The following CHERP variants were observed in gnomAD, a reference collection of about 807,000 sequenced individuals.
CHERP encodes calcium homeostasis endoplasmic reticulum protein.
CHERP carries 8 observed loss-of-function variants against 113.8 expected under a neutral mutation model. That is an observed-to-expected ratio of 0.07 (90% CI 0.04 to 0.13). The LOEUF is 0.13. Among genes scored for constraint, CHERP ranks in the 10% least tolerant of loss-of-function variants. CHERP has a pLI of 1.00. For missense variants in CHERP, 884 were observed against 1,298.2 expected, an observed-to-expected ratio of 0.68 and a Z score of 4.90; for synonymous variants, 559 against 524.5, an observed-to-expected ratio of 1.07 and a Z score of -0.90.
At position 16,533,331 on chromosome 19, in the gene CHERP, G is replaced by A. The variant is rs535037338; in HGVS notation, c.385-183C>T. ...GGAGATTCTGTCTCTCATGCCTGCC[G>A]TGAATCTGTGACAGTCCCTCCTGGA... is the stretch of plus-strand genomic sequence containing the variant. On this transcript the variant is annotated intron_variant, in intron 3 of 16. Transcript: ENST00000546361. Among the ~76,000 whole-genome samples, 3 of 152,282 alleles carry A rather than the reference G, an allele frequency of 2.0e-5. No homozygotes were observed. In the South Asian group the frequency reaches 6.2e-4, roughly 32 times the overall value.
Position 16,532,583 on chromosome 19 carries a change from G to A in CHERP, c.674+15C>T, listed in dbSNP as rs748123701. The A allele has an allele frequency of 6.3e-7, 1 of 1,585,510 alleles. No homozygotes were observed. Among genetic ancestry groups the A allele is most frequent in the South Asian group, 1.1e-5 (1 of 89,504 alleles). ...CGAGGAAGTGGCGCTCTGGGCACGG[G>A]GTGGCGGCGCTCACCAGTGGTGCAG... On this transcript the variant is annotated intron_variant, in intron 5 of 16. Coordinates refer to ENST00000546361, the MANE Select transcript of CHERP (RefSeq NM_006387.6). The surrounding 1 kb of genome is among the most constrained non-coding windows in gnomAD (Gnocchi z 4.4).
At chr19:16,527,237 C>T (rs3786591) in intron 9 of CHERP, among the ~76,000 whole-genome samples, 3 of 152,240 alleles carry the variant, frequency 2.0e-5, no homozygotes, top group Admixed American at 6.5e-5. Flanking sequence ...AACTGCCCCC[C>T]CCAGCAGAGG....
In CHERP at chr19:16,525,665, G is replaced by A; in HGVS notation, c.1318C>T (p.Pro440Ser). The A allele has an allele frequency of 1.3e-6, 2 of 1,515,778 alleles. No individual in the cohort carries two copies. The highest frequency in any genetic ancestry group is 1.8e-6 in the Non-Finnish European group (2 of 1,132,904). 93.9% of individuals were successfully genotyped at this position (1,515,778 alleles called of 1,614,324 possible). ...CCGCCCTGGTGGTGCGGGTAGGGTG[G>A]CTGCTCTGGCGGCTGCAAGGGAAGG... ...PWGQQQPPEQPPYPHHQGGPP... is the reference protein window; with the variant it reads ...PWGQQQPPEQSPYPHHQGGPP... The change falls in exon 10 of 17, where the codon CCA (proline) becomes TCA (serine). Residue 440 changes from proline to serine, a missense_variant. Transcript: ENST00000546361. The surrounding 1 kb of genome is among the most constrained non-coding windows in gnomAD (Gnocchi z 6.5).
At chr19:16,536,754 C>T (rs991227488) in intron 2 of CHERP, among the ~76,000 whole-genome samples, 1 of 152,256 alleles carries the variant, frequency 6.6e-6, no homozygotes, top group Non-Finnish European at 1.5e-5. Context: ...TGATGGCTCA[C>T]GCCTATAATC....
At chr19:16,538,131 C>T (rs956584153) in intron 2 of CHERP, among the ~76,000 whole-genome samples, 2 of 152,020 alleles carry the variant, frequency 1.3e-5, no homozygotes, top group African/African-American at 2.4e-5. Flanking sequence ...ATACACTCCT[C>T]ACTCCTCTCC....
At chr19:16,541,835 T>C in intron 2 of CHERP, 35 bp downstream of exon 2, 2 of 1,593,982 alleles carry the variant, frequency 1.3e-6, no homozygotes, top group Non-Finnish European at 1.7e-6. Flanking sequence ...AAGGAAGCGC[T>C]CGATGGGACG....
At chr19:16,529,016 G>C (rs1247929784) in intron 8 of CHERP, among the ~76,000 whole-genome samples, 5 of 152,162 alleles carry the variant, frequency 3.3e-5, no homozygotes, top group Non-Finnish European at 7.3e-5. Context: ...GTATTTCCGT[G>C]TCTTTTTCAG....
Position 16,532,882 on chromosome 19 carries a change from C to A in CHERP, c.522+129G>T. On this transcript the variant is annotated intron_variant, in intron 4 of 16. Transcript: ENST00000546361. The surrounding 1 kb of genome is among the most constrained non-coding windows in gnomAD (Gnocchi z 4.4). ...GCGTGGGGGGCACAGGGTCCCACAGCCTCAGGAGCTCCAGGCGGGAGGGAA... is the reference window on the plus strand; with the variant it reads ...GCGTGGGGGGCACAGGGTCCCACAGACTCAGGAGCTCCAGGCGGGAGGGAA... 1 of 1,520,510 alleles carries A rather than the reference C, an allele frequency of 6.6e-7. No homozygotes were observed. The highest frequency in any genetic ancestry group is 1.3e-5 in the South Asian group (1 of 78,946). 94.2% of individuals were successfully genotyped at this position (1,520,510 alleles called of 1,614,324 possible). A position where few individuals can be genotyped will look rare whatever the true frequency, so the allele number is the denominator to read the frequency against.
chr19:16,533,268 G>T, intron 3 of CHERP, 120 bp from the exon 4 acceptor site: 1 of 942,992 alleles, frequency 1.1e-6, no homozygotes, highest in Non-Finnish European at 1.6e-6. Flanking sequence ...ACTCTGGGCT[G>T]CTCTGGCCAT....
Position 16,530,522 on chromosome 19 carries a change from C to T in CHERP, c.876+63G>A, listed in dbSNP as rs1054207533. ...GTGGCAGCTGCTGTCCCCACACTCC[C>T]AAACCCTCCTGGGGAACCCGCCCCA... On this transcript the variant is annotated intron_variant, in intron 7 of 16. Transcript: ENST00000546361. The surrounding 1 kb of genome is among the most constrained non-coding windows in gnomAD (Gnocchi z 4.1). 24 of 1,523,730 alleles carry T rather than the reference C, an allele frequency of 1.6e-5. No individual in the cohort carries two copies. Among genetic ancestry groups the T allele is most frequent in the African/African-American group, 2.7e-5 (2 of 73,058 alleles). The allele number at this position is 1,523,730 out of a possible 1,614,324, so 94.4% of individuals were successfully genotyped here. A position where few individuals can be genotyped will look rare whatever the true frequency, so the allele number is the denominator to read the frequency against.
chr19:16,528,736 A>T (rs994606642), intron 8 of CHERP, among the ~76,000 whole-genome samples: 4 of 152,220 alleles, frequency 2.6e-5, no homozygotes, highest in South Asian at 2.1e-4. Flanking sequence ...GGTGGATCCC[A>T]AGGTCAGGAG....
intron 10 of CHERP, among the ~76,000 whole-genome samples, chr19:16,524,648 G>A (rs2122253248): frequency 6.6e-6 from 1 of 152,146 alleles, no homozygotes; most frequent in South Asian, 2.1e-4. Flanking sequence ...AGCTACTCTA[G>A]AGGCTGAGGT....
chr19:16,537,823 C>T (rs1402506584), intron 2 of CHERP, among the ~76,000 whole-genome samples: 6 of 152,170 alleles, frequency 3.9e-5, no homozygotes, highest in East Asian at 3.8e-4. Flanking sequence ...GGCTACCCAG[C>T]GGTGACAGAC....
chr19:16,541,949 G>A lies in CHERP; in HGVS notation c.120C>T (p.Asp40=), dbSNP rs745318333. ...CGAAAAGAAACGAGAATTTGGGGTT[G>A]TCCTTCTGCTTCTCCATAGTCATCT... ...FEKMTMEKQK[D]NPKFSFLFGG... Residue 40 remains aspartate, a synonymous_variant, in exon 2 of 17, where the codon GAC becomes GAT. Transcript: ENST00000546361. The A allele has an allele frequency of 6.2e-6, 10 of 1,614,170 alleles. No homozygotes were observed. The highest frequency in any genetic ancestry group is 1.7e-4 in the Middle Eastern group (1 of 6,034).
chr19:16,519,990 C>G lies in CHERP; in HGVS notation c.2462+159G>C. The G allele has an allele frequency of 1.2e-6, 1 of 803,168 alleles. No individual in the cohort carries two copies. Among genetic ancestry groups the G allele is most frequent in the Non-Finnish European group, 2.0e-6 (1 of 497,788 alleles). 49.8% of individuals were successfully genotyped at this position (803,168 alleles called of 1,614,324 possible). A position where few individuals can be genotyped will look rare whatever the true frequency, so the allele number is the denominator to read the frequency against. On this transcript the variant is annotated intron_variant, in intron 15 of 16. Coordinates refer to ENST00000546361, the MANE Select transcript of CHERP (RefSeq NM_006387.6). This position sits in a 1 kb window ranked among gnomAD's most constrained non-coding sequence, Gnocchi z 6.0. ...CCCCAGTTACTGCCTCAGGCTTCGCCAAGTGGCTACTGTGGTGAAGGGTGA... is the reference window on the plus strand; with the variant it reads ...CCCCAGTTACTGCCTCAGGCTTCGCGAAGTGGCTACTGTGGTGAAGGGTGA...
chr19:16,528,394 CTA>C, intron 8 of CHERP, 139 bp from the exon 9 acceptor site: 1 of 753,868 alleles, frequency 1.3e-6, no homozygotes, highest in Non-Finnish European at 2.0e-6. Context: ...AAAACCATGA[CTA>C]TCACTGGCTT....
At chr19:16,526,878 C>T (rs529856722) in intron 9 of CHERP, among the ~76,000 whole-genome samples, 2 of 152,220 alleles carry the variant, frequency 1.3e-5, no homozygotes, top group African/African-American at 4.8e-5. Flanking sequence ...CTTCCTGCCT[C>T]AGACCACTGT....
chr19:16,521,415 C>T (rs1308577100), intron 12 of CHERP, 106 bp downstream of exon 12: 1 of 1,143,436 alleles, frequency 8.7e-7, no homozygotes. Context: ...GGCAGTTTCT[C>T]CTGAGGGACA....
rs1442642086 is a variant in CHERP at position 16,532,212 on chromosome 19, A to T, written c.674+386T>A. The T allele has an allele frequency of 5.2e-6, 1 of 193,660 alleles. No individual in the cohort carries two copies. Among genetic ancestry groups the T allele is most frequent in the Admixed American group, 5.4e-5 (1 of 18,514 alleles). The allele number at this position is 193,660 out of a possible 1,614,324, so 12.0% of individuals were successfully genotyped here. A position where few individuals can be genotyped will look rare whatever the true frequency, so the allele number is the denominator to read the frequency against. The stretch of plus-strand genomic sequence containing the variant: ...AGGTGACCGCGTGTGTGTGCGTGCA[A>T]ATCAGTGACGAGGGCAGGAGACAGA... On this transcript the variant is annotated intron_variant, in intron 5 of 16. Coordinates refer to ENST00000546361, the MANE Select transcript of CHERP (RefSeq NM_006387.6). This position sits in a 1 kb window ranked among gnomAD's most constrained non-coding sequence, Gnocchi z 4.4.
Sources: gnomAD v4.1 joint callset for allele counts (sites outside exome capture counted in the v4.1 genomes callset) on GRCh38, gnomAD v4.1.1 for gene constraint, Gnocchi (gnomAD v3.1) non-coding constraint, MANE v1.5 for transcripts, NCBI Gene and HGNC (gene_info 2026-07-23, HGNC 2026-07-21) for gene names.